COL25A1: variants seen among roughly 807,000 people sequenced by gnomAD.
COL25A1 encodes the protein collagen alpha-1(XXV) chain.
Under a neutral mutation model 128.4 loss-of-function variants are expected in COL25A1, and 103 were observed. The ratio of observed to expected loss-of-function variants is 0.80; its 90% CI spans 0.68 to 0.94. The LOEUF is 0.94. Among genes scored for constraint, COL25A1 ranks in the 40% least tolerant of loss-of-function variants. The pLI, the probability that COL25A1 is intolerant of heterozygous loss-of-function variation, is 0.00. For missense variants in COL25A1, 745 were observed against 840.0 expected (o/e 0.89, Z 1.40); for synonymous variants, 279 against 277.2 (o/e 1.01, Z -0.06).
At chr4:108,857,996 T>G (rs1736718621) in intron 24 of COL25A1, among the ~76,000 whole-genome samples, 1 of 152,010 alleles carries the variant, frequency 6.6e-6, no homozygotes, top group South Asian at 2.1e-4. Context: ...TGGATTGTTG[T>G]GTAGAATTTA....
intron 3 of COL25A1, among the ~76,000 whole-genome samples, chr4:109,127,687 A>G (rs2126063568): frequency 6.6e-6 from 1 of 152,192 alleles, no homozygotes; most frequent in East Asian, 1.9e-4. Context: ...AAAAGAAGAA[A>G]AACCAAACTC....
chr4:109,067,164 G>A (rs1762517344), intron 3 of COL25A1, among the ~76,000 whole-genome samples: 1 of 152,132 alleles, frequency 6.6e-6, no homozygotes, highest in Non-Finnish European at 1.5e-5. Context: ...ACTCTTTTGA[G>A]TTAGTTGTGC....
At chr4:109,085,709 C>T (rs1239753313) in intron 3 of COL25A1, among the ~76,000 whole-genome samples, 1 of 152,176 alleles carries the variant, frequency 6.6e-6, no homozygotes, top group Non-Finnish European at 1.5e-5. Flanking sequence ...TCCTTCTCCT[C>T]CCTTTGGGGA....
intron 5 of COL25A1, among the ~76,000 whole-genome samples, chr4:109,026,609 T>C (rs911999790): frequency 5.9e-5 from 9 of 152,184 alleles, no homozygotes; most frequent in Non-Finnish European, 1.0e-4. Flanking sequence ...GTGGAAAACA[T>C]GTGTGCCGAC....
intron 3 of COL25A1, among the ~76,000 whole-genome samples, chr4:109,105,507 T>C (rs574420473): frequency 6.6e-6 from 1 of 152,150 alleles, no homozygotes; most frequent in East Asian, 1.9e-4. Flanking sequence ...ACAAACAAAA[T>C]TCTAAAATCT....
At chr4:109,193,420 T>C (rs1171920115) in intron 3 of COL25A1, among the ~76,000 whole-genome samples, 3 of 152,142 alleles carry the variant, frequency 2.0e-5, no homozygotes, top group Non-Finnish European at 4.4e-5. Flanking sequence ...TGATAGAGGC[T>C]GAAGATGAGG....
At chr4:109,007,054 G>A (rs910562091) in intron 6 of COL25A1, among the ~76,000 whole-genome samples, 7 of 152,172 alleles carry the variant, frequency 4.6e-5, no homozygotes, top group Non-Finnish European at 1.0e-4. Context: ...ATGTAACCCT[G>A]AACTTAAAAT....
intron 3 of COL25A1, among the ~76,000 whole-genome samples, chr4:109,227,186 T>C (rs1477380058): frequency 2.0e-5 from 3 of 152,166 alleles, no homozygotes; most frequent in Non-Finnish European, 1.5e-5. Flanking sequence ...TCAATGTTTT[T>C]ATATACAAAT....
chr4:109,166,314 T>A (rs1773067359), intron 3 of COL25A1, among the ~76,000 whole-genome samples: 1 of 152,212 alleles, frequency 6.6e-6, no homozygotes, highest in African/African-American at 2.4e-5. Context: ...TGCTTAAACA[T>A]CCTTAAAGCT....
intron 3 of COL25A1, among the ~76,000 whole-genome samples, chr4:109,249,985 G>T (rs1780540759): frequency 6.6e-6 from 1 of 152,274 alleles, no homozygotes; most frequent in South Asian, 2.1e-4. Context: ...CTAAGTAAAT[G>T]AAAGATAGGA....
chr4:109,255,242 G>A (rs1486896148), intron 3 of COL25A1, among the ~76,000 whole-genome samples: 1 of 152,130 alleles, frequency 6.6e-6, no homozygotes, highest in Non-Finnish European at 1.5e-5. Context: ...CCATAAAATA[G>A]TACCCTTGTA....
chr4:109,159,684 C>A (rs1204404687), intron 3 of COL25A1, among the ~76,000 whole-genome samples: 1 of 152,148 alleles, frequency 6.6e-6, no homozygotes, highest in Non-Finnish European at 1.5e-5. Context: ...GAAAAGGCTC[C>A]AATTTGAGGT....
At chr4:109,192,705 T>A (rs1048313036) in intron 3 of COL25A1, among the ~76,000 whole-genome samples, 3 of 151,798 alleles carry the variant, frequency 2.0e-5, no homozygotes, top group African/African-American at 7.3e-5. Context: ...TACAAAAAAA[T>A]TAGCCAGGTG....
chr4:109,192,547 G>T (rs1775700560), intron 3 of COL25A1, among the ~76,000 whole-genome samples: 1 of 152,140 alleles, frequency 6.6e-6, no homozygotes. Flanking sequence ...AACTGGAGTG[G>T]TGTCCTTTTA....
At chr4:109,020,714 T>C (rs1757661272) in intron 5 of COL25A1, among the ~76,000 whole-genome samples, 1 of 152,242 alleles carries the variant, frequency 6.6e-6, no homozygotes, top group South Asian at 2.1e-4. Flanking sequence ...CATGTTCATA[T>C]GTGGAACATA....
chr4:109,112,652 A>T (rs996597452), intron 3 of COL25A1, among the ~76,000 whole-genome samples: 24 of 152,116 alleles, frequency 1.6e-4, no homozygotes, highest in African/African-American at 5.8e-4. Context: ...CTTATCCTCA[A>T]AAAAGAAAGA....
At chr4:109,095,768 G>A (rs189176580) in intron 3 of COL25A1, among the ~76,000 whole-genome samples, 21 of 152,154 alleles carry the variant, frequency 1.4e-4, no homozygotes, top group Admixed American at 2.6e-4. Context: ...AGGCCTAGCT[G>A]GACTAACAAA....
chr4:108,936,101 T>A (rs1747370706), intron 11 of COL25A1, among the ~76,000 whole-genome samples: 1 of 152,168 alleles, frequency 6.6e-6, no homozygotes, highest in African/African-American at 2.4e-5. Context: ...TTTCAAAATT[T>A]TATTGCAGTT....
rs531316785 is a variant in COL25A1 at position 108,906,290 on chromosome 4, C to T, written c.781-5118G>A. On this transcript the variant is annotated intron_variant, in intron 13 of 37. Transcript: ENST00000399132. ...TGGAAAGCAGCCACCTGCCCAGGGC[C>T]TTTGCACCTAGGCGTTCTCTAACGG... 4.6e-5 allele frequency among the ~76,000 whole-genome samples: 7 copies of T among 152,262 alleles called. No individual in the cohort carries two copies. In the South Asian group the frequency reaches 1.2e-3, roughly 27 times the overall value.
Sources: gnomAD v4.1 joint callset for allele counts (sites outside exome capture counted in the v4.1 genomes callset) on GRCh38, gnomAD v4.1.1 for gene constraint, MANE v1.5 for transcripts, NCBI Gene and HGNC (gene_info 2026-07-23, HGNC 2026-07-21) for gene names.